Variants in THSD4 observed in about 807,000 individuals in gnomAD.
The protein encoded by THSD4 is thrombospondin type-1 domain-containing protein 4.
Under a neutral mutation model 119.0 loss-of-function variants are expected in THSD4, and 69 were observed. The ratio of observed to expected loss-of-function variants is 0.58; its 90% confidence interval spans 0.48 to 0.71. The LOEUF is 0.71. Among genes scored for constraint, THSD4 ranks in the 30% least tolerant of loss-of-function variants. THSD4 has a pLI of 0.00. For synonymous variants in THSD4, 524 were observed against 540.4 expected (o/e 0.97, Z 0.42); for missense variants, 1,393 against 1,391.1 (o/e 1.00, Z -0.02).
chr15:71,111,923 T>C (rs570189518), upstream of THSD4: 3 of 586,874 alleles, frequency 5.1e-6, no homozygotes, highest in South Asian at 6.9e-5. Context: ...TCAAATACAT[T>C]TGGGACACTC....
chr15:71,380,506 C>T (rs4777376), intron 6 of THSD4, among the ~76,000 whole-genome samples: 40,820 of 151,804 alleles, frequency 0.27, 6,105 homozygotes, highest in East Asian at 0.54. Flanking sequence ...ACCCAGGAGA[C>T]GACTGTGATC....
At chr15:71,411,911 T>C in intron 7 of THSD4, 88 bp downstream of exon 7, 1 of 1,554,348 alleles carries the variant, frequency 6.4e-7, no homozygotes, top group Non-Finnish European at 8.8e-7. Flanking sequence ...ACTAGGCTGC[T>C]AGCTCCCCCC....
intron 7 of THSD4, among the ~76,000 whole-genome samples, chr15:71,611,672 C>T (rs899815731): frequency 6.6e-6 from 1 of 152,352 alleles, no homozygotes; most frequent in East Asian, 1.9e-4. Context: ...GAAGGATTAA[C>T]CCGGCCTGGG....
At chr15:71,181,022 A>T (rs148399092) in intron 3 of THSD4, among the ~76,000 whole-genome samples, 1 of 152,322 alleles carries the variant, frequency 6.6e-6, no homozygotes, top group South Asian at 2.1e-4. Flanking sequence ...TCTCTGGAAC[A>T]GTGTGAGATT....
chr15:71,493,972 T>C (rs758477016), intron 7 of THSD4, among the ~76,000 whole-genome samples: 67 of 152,204 alleles, frequency 4.4e-4, no homozygotes, highest in Admixed American at 2.0e-3. Context: ...AATGAGCGCA[T>C]GGTTGTCCCT....
chr15:71,404,856 CTTTCT>C (rs1285174151), intron 6 of THSD4, among the ~76,000 whole-genome samples: 1 of 150,840 alleles, frequency 6.6e-6, no homozygotes, highest in Non-Finnish European at 1.5e-5. Context: ...TCTTTCTTTT[CTTTCT>C]TTTCTTTCCT....
At chr15:71,474,459 G>A (rs2047629012) in intron 7 of THSD4, among the ~76,000 whole-genome samples, 1 of 152,082 alleles carries the variant, frequency 6.6e-6, no homozygotes, top group Admixed American at 6.5e-5. Flanking sequence ...CTGACCTCAT[G>A]ATCCACCCAC....
chr15:71,363,081 G>A (rs1372215), intron 6 of THSD4, among the ~76,000 whole-genome samples: 20,379 of 152,120 alleles, frequency 0.13, 1,459 homozygotes, highest in South Asian at 0.19. Context: ...TGTGGCCTGC[G>A]GGCGGCAGGT....
chr15:71,151,799 T>G (rs1309358515), intron 2 of THSD4, among the ~76,000 whole-genome samples: 3 of 152,244 alleles, frequency 2.0e-5, no homozygotes, highest in African/African-American at 7.2e-5. Context: ...AGGCTCATTT[T>G]CAAGTATTAA....
At chr15:71,501,517 A>G (rs112591258) in intron 7 of THSD4, among the ~76,000 whole-genome samples, 82 of 152,296 alleles carry the variant, frequency 5.4e-4, no homozygotes, top group African/African-American at 1.9e-3. Flanking sequence ...TTCTGCCAAC[A>G]TGAGCTGTTT....
intron 7 of THSD4, among the ~76,000 whole-genome samples, chr15:71,506,136 G>C (rs2048182640): frequency 6.6e-6 from 1 of 152,190 alleles, no homozygotes; most frequent in South Asian, 2.1e-4. Context: ...TTGCCCGTAA[G>C]GAGTTTATGG....
intron 1 of THSD4, among the ~76,000 whole-genome samples, chr15:71,098,256 C>A (rs113611273): frequency 6.9e-5 from 10 of 145,510 alleles, no homozygotes; most frequent in African/African-American, 2.3e-4. Flanking sequence ...GCTAGAGTGC[C>A]ATGATCATGG....
chr15:71,628,994 G>T (rs900561397), intron 7 of THSD4, among the ~76,000 whole-genome samples: 7 of 152,296 alleles, frequency 4.6e-5, no homozygotes, highest in Middle Eastern at 3.4e-3. Context: ...GATAAACAAG[G>T]CAGTTTTATA....
chr15:71,214,972 A>G, intron 3 of THSD4, 63 bp from the exon 4 acceptor site: 1 of 1,223,428 alleles, frequency 8.2e-7, no homozygotes, highest in Non-Finnish European at 1.0e-6. Context: ...GACCCTGCTC[A>G]AAGCTTTTCG....
At chr15:71,567,399 C>T (rs1049132556) in intron 7 of THSD4, among the ~76,000 whole-genome samples, 4 of 152,072 alleles carry the variant, frequency 2.6e-5, no homozygotes, top group African/African-American at 9.7e-5. Context: ...AAGCCAGTAG[C>T]CACTGTGGGC....
rs148408812 is a variant in THSD4 at position 71,214,188 on chromosome 15, T to C, written c.100-847T>C. On this transcript the variant is annotated intron_variant, in intron 3 of 17. Coordinates refer to ENST00000261862, the MANE Select transcript of THSD4 (RefSeq NM_024817.3). ...ATGGACCGATCAGCACTCTGTAAAATGGACCAATCAGCAGGATGTGGGCGG... is the reference window on the plus strand; with the variant it reads ...ATGGACCGATCAGCACTCTGTAAAACGGACCAATCAGCAGGATGTGGGCGG... Among the ~76,000 whole-genome samples the C allele has an allele frequency of 3.8e-3, 548 of 145,880 alleles. 5 individuals are homozygous for C. Among genetic ancestry groups the C allele is most frequent in the African/African-American group, 0.014 (515 of 36,100 alleles).
At chr15:71,473,213 A>G (rs1328736519) in intron 7 of THSD4, among the ~76,000 whole-genome samples, 2 of 151,848 alleles carry the variant, frequency 1.3e-5, no homozygotes, top group African/African-American at 4.8e-5. Context: ...ACACACTACC[A>G]CACCTGGCTA....
chr15:71,111,171 T>G (rs946454812), upstream of THSD4: 3 of 1,611,702 alleles, frequency 1.9e-6, no homozygotes, highest in Non-Finnish European at 2.5e-6. Context: ...TGACCAGATG[T>G]GGGGTGAGAA....
intron 7 of THSD4, among the ~76,000 whole-genome samples, chr15:71,495,179 A>G (rs1218898320): frequency 1.3e-5 from 2 of 152,208 alleles, no homozygotes; most frequent in African/African-American, 4.8e-5. Flanking sequence ...TGCCAATAGC[A>G]ACCCAACCCC....
Sources: allele counts gnomAD v4.1 joint callset (sites outside exome capture counted in the v4.1 genomes callset), GRCh38; gene constraint gnomAD v4.1.1; transcripts MANE v1.5; gene names NCBI Gene and HGNC (gene_info 2026-07-23, HGNC 2026-07-21).